The following EYS variants were observed in gnomAD, a reference collection of about 807,000 sequenced individuals.
EYS encodes EGF-like photoreceptor maintenance factor, also known as protein eyes shut homolog.
In EYS, 250 loss-of-function variants were observed where a neutral mutation model predicts 282.1. The ratio of observed to expected loss-of-function variants is 0.89; its 90% confidence interval spans 0.80 to 0.98. The LOEUF (loss-of-function observed/expected upper bound fraction) is 0.98, where lower values mean the gene tolerates loss of function less well. Ranked by LOEUF, EYS falls within the 50% of genes least tolerant of loss-of-function variation. EYS has a pLI of 0.00. For synonymous variants in EYS, 1,355 were observed against 1,282.9 expected, an observed-to-expected ratio of 1.06 and a Z score of -1.20; for missense variants, 4,016 against 3,709.0, an observed-to-expected ratio of 1.08 and a Z score of -2.15.
At position 64,691,925 on chromosome 6, in the gene EYS, C is replaced by T. The variant is rs1445762040; in HGVS notation, c.3444-65680G>A. On this transcript the variant is annotated intron_variant, in intron 22 of 42. Coordinates refer to ENST00000503581, the MANE Select transcript of EYS (RefSeq NM_001142800.2). ...TTGATGGGCACCTGGATTGGTTTCA[C>T]GTTTTTGTTCTTGTGAATAGCACAG... 3.3e-5 allele frequency among the ~76,000 whole-genome samples: 5 copies of T among 152,014 alleles called. No homozygotes were observed. The South Asian group carries it at 6.2e-4, about 19-fold the overall frequency.
chr6:63,840,702 G>T (rs1771933438), intron 36 of EYS, among the ~76,000 whole-genome samples: 1 of 152,086 alleles, frequency 6.6e-6, no homozygotes, highest in East Asian at 1.9e-4. Context: ...TTCATTTTTA[G>T]TTGGCTTTTG....
intron 31 of EYS, among the ~76,000 whole-genome samples, chr6:64,211,880 C>T (rs938952297): frequency 3.3e-5 from 5 of 151,680 alleles, no homozygotes; most frequent in Non-Finnish European, 7.4e-5. Flanking sequence ...CTTTCAGAGG[C>T]GGAGGCAGGC....
At chr6:64,324,750 T>C (rs188516967) in intron 29 of EYS, among the ~76,000 whole-genome samples, 13 of 152,320 alleles carry the variant, frequency 8.5e-5, no homozygotes, top group African/African-American at 2.4e-4. Flanking sequence ...CTGGACCTGA[T>C]ACATAATTTT....
chr6:64,489,387 T>C (rs1032309635), intron 26 of EYS, among the ~76,000 whole-genome samples: 1 of 150,482 alleles, frequency 6.6e-6, no homozygotes, highest in Non-Finnish European at 1.5e-5. Context: ...ACATGTGTAC[T>C]TGTGGTGTGT....
chr6:64,599,538 G>A (rs1582940219), intron 24 of EYS, among the ~76,000 whole-genome samples: 1 of 152,216 alleles, frequency 6.6e-6, no homozygotes, highest in East Asian at 1.9e-4. Context: ...CAGATTGGAG[G>A]ATAGATCACA....
intron 32 of EYS, among the ~76,000 whole-genome samples, chr6:64,074,615 A>G (rs1771702299): frequency 6.6e-6 from 1 of 151,868 alleles, no homozygotes; most frequent in Admixed American, 6.6e-5. Flanking sequence ...AATATTCAAA[A>G]GAGGTTCATT....
chr6:64,427,642 C>A (rs1316497727), intron 28 of EYS, among the ~76,000 whole-genome samples: 2 of 151,932 alleles, frequency 1.3e-5, no homozygotes, highest in Non-Finnish European at 2.9e-5. Flanking sequence ...GGTATTGTAA[C>A]CCTGATAATA....
intron 5 of EYS, among the ~76,000 whole-genome samples, chr6:65,454,451 G>A (rs12206730): frequency 0.22 from 33,778 of 151,366 alleles, 4,123 homozygotes; most frequent in Middle Eastern, 0.33. Context: ...TCATTTGTAG[G>A]TTGTTTCTTC....
In EYS at chr6:64,902,262, A is replaced by G. The variant is rs1202876464; in HGVS notation, c.2739-42T>C. 7.1e-6 allele frequency: 10 copies of G among 1,404,654 alleles called. No homozygotes were observed. The East Asian group carries it at 1.7e-4, about 24-fold the overall frequency. 87.0% of individuals were successfully genotyped at this position (1,404,654 alleles called of 1,614,324 possible). The stretch of plus-strand genomic sequence containing the variant: ...TTAGTAACTCCATTAGTATATATGT[A>G]TAAAATCAATGCTTCAACTAATTGT... On this transcript the variant is annotated intron_variant, in intron 17 of 42. Transcript: ENST00000503581.
chr6:65,359,979 G>T (rs1482288463), intron 8 of EYS, among the ~76,000 whole-genome samples: 2 of 151,678 alleles, frequency 1.3e-5, no homozygotes, highest in African/African-American at 4.8e-5. Context: ...TTATACTTAG[G>T]TTTCAAATCT....
intron 26 of EYS, among the ~76,000 whole-genome samples, chr6:64,515,089 G>C (rs1777524591): frequency 6.6e-6 from 1 of 151,644 alleles, no homozygotes; most frequent in Non-Finnish European, 1.5e-5. Flanking sequence ...TCTACTAGTA[G>C]TTCAGTTACT....
chr6:63,955,231 C>T (rs1765765893), intron 35 of EYS, among the ~76,000 whole-genome samples: 1 of 152,108 alleles, frequency 6.6e-6, no homozygotes, highest in African/African-American at 2.4e-5. Context: ...TCATCCCTAT[C>T]TTCTGTCTAA....
intron 35 of EYS, among the ~76,000 whole-genome samples, chr6:63,960,778 T>C (rs1378152630): frequency 1.3e-5 from 2 of 152,258 alleles, no homozygotes; most frequent in African/African-American, 4.8e-5. Flanking sequence ...AATTAAGGTA[T>C]GTGCATTTTA....
At chr6:63,868,018 T>A (rs1048262289) in intron 35 of EYS, among the ~76,000 whole-genome samples, 6 of 152,216 alleles carry the variant, frequency 3.9e-5, no homozygotes, top group Non-Finnish European at 8.8e-5. Context: ...GGGCTATGTT[T>A]TGACTTTTGA....
chr6:64,529,195 C>T (rs1020508577), intron 26 of EYS, among the ~76,000 whole-genome samples: 1 of 151,984 alleles, frequency 6.6e-6, no homozygotes, highest in Non-Finnish European at 1.5e-5. Context: ...TCTTTGTGTC[C>T]TACTCATGTA....
intron 1 of EYS, among the ~76,000 whole-genome samples, chr6:65,704,375 C>T (rs528743040): frequency 6.6e-6 from 1 of 152,312 alleles, no homozygotes; most frequent in Admixed American, 6.5e-5. Context: ...GACTAATAGT[C>T]TTAAACCACT....
chr6:63,836,873 T>A (rs1212282248), intron 36 of EYS, among the ~76,000 whole-genome samples: 1 of 152,086 alleles, frequency 6.6e-6, no homozygotes, highest in Non-Finnish European at 1.5e-5. Flanking sequence ...ATCATACACC[T>A]AATAACTCTG....
At chr6:64,330,033 C>G (rs1202873851) in intron 29 of EYS, among the ~76,000 whole-genome samples, 2 of 152,186 alleles carry the variant, frequency 1.3e-5, no homozygotes, top group African/African-American at 2.4e-5. Context: ...CAAGGAAGCA[C>G]TAGCCCAGAC....
intron 31 of EYS, among the ~76,000 whole-genome samples, chr6:64,174,975 G>T (rs1464379683): frequency 6.6e-6 from 1 of 152,014 alleles, no homozygotes; most frequent in African/African-American, 2.4e-5. Context: ...AAGGTTGTTA[G>T]AAATACCCAT....
Sources: allele counts gnomAD v4.1 joint callset (sites outside exome capture counted in the v4.1 genomes callset), GRCh38; gene constraint gnomAD v4.1.1; transcripts MANE v1.5; gene names NCBI Gene and HGNC (gene_info 2026-07-23, HGNC 2026-07-21).